OR2L13: variants seen among roughly 807,000 people sequenced by gnomAD.
OR2L13 encodes olfactory receptor family 2 subfamily L member 13, also known as olfactory receptor 2L13.
OR2L13 carries 14 observed loss-of-function variants against 15.3 expected under a neutral mutation model. The ratio of observed to expected loss-of-function variants is 0.91; its 90% CI spans 0.60 to 1.43. OR2L13 has a LOEUF of 1.43. Among genes scored for constraint, OR2L13 ranks in the 40% most tolerant of loss-of-function variants. OR2L13 has a pLI of 0.00. For synonymous variants in OR2L13, 152 were observed against 142.9 expected (o/e 1.06, Z -0.45); for missense variants, 367 against 387.9 (o/e 0.95, Z 0.45).
chr1:248,021,967 C>T, the OR2L13 span: 14 of 1,612,930 alleles, frequency 8.7e-6, no homozygotes, highest in Admixed American at 3.3e-5. Flanking sequence ...TACAATCAAA[C>T]GTCAACTGAT....
the OR2L13 span, chr1:247,965,968 A>G: frequency 6.2e-7 from 1 of 1,609,700 alleles, no homozygotes; most frequent in Admixed American, 1.7e-5. Flanking sequence ...GTATGAGTAT[A>G]CAGTCCTCCT....
the OR2L13 span, chr1:247,949,184 A>G: frequency 1.2e-6 from 2 of 1,614,086 alleles, no homozygotes; most frequent in South Asian, 1.1e-5. Flanking sequence ...TAGGAGGTGC[A>G]GAAGCACTAC....
chr1:248,015,094 C>T, the OR2L13 span, among the ~76,000 whole-genome samples: 1 of 152,206 alleles, frequency 6.6e-6, no homozygotes, highest in African/African-American at 2.4e-5. Flanking sequence ...CTTGGAAGCA[C>T]ACATACACAC....
chr1:248,096,799 A>G (rs1664750822), upstream of OR2L13, among the ~76,000 whole-genome samples: 1 of 152,232 alleles, frequency 6.6e-6, no homozygotes, highest in South Asian at 2.1e-4. Context: ...TTTTAACTCT[A>G]TAAATTTCAG....
chr1:247,948,767 G>C, the OR2L13 span: 3 of 1,028,254 alleles, frequency 2.9e-6, no homozygotes, highest in Non-Finnish European at 4.4e-6. Flanking sequence ...CCACTGGGGG[G>C]GCTTGGAATG....
the OR2L13 span, chr1:248,083,574 G>T: frequency 9.1e-7 from 1 of 1,094,538 alleles, no homozygotes; most frequent in Non-Finnish European, 1.3e-6. Flanking sequence ...TAAAGGGAGA[G>T]AATTACAATG....
the OR2L13 span, among the ~76,000 whole-genome samples, chr1:247,954,287 G>A: frequency 6.6e-6 from 1 of 152,010 alleles, no homozygotes; most frequent in Non-Finnish European, 1.5e-5. Flanking sequence ...GACTTTTAAA[G>A]GCTAAATATC....
the OR2L13 span, among the ~76,000 whole-genome samples, chr1:248,044,735 G>A: frequency 3.4e-5 from 3 of 88,724 alleles, no homozygotes; most frequent in African/African-American, 1.6e-4. Context: ...CCCGGGAAGC[G>A]GAGCTTGCAG....
chr1:248,052,302 A>G, the OR2L13 span, among the ~76,000 whole-genome samples: 63 of 152,320 alleles, frequency 4.1e-4, no homozygotes, highest in African/African-American at 1.5e-3. Flanking sequence ...GAGTGGACTT[A>G]GTTCCTTTTT....
chr1:248,048,042 T>G, the OR2L13 span, among the ~76,000 whole-genome samples: 1 of 152,148 alleles, frequency 6.6e-6, no homozygotes, highest in African/African-American at 2.4e-5. Flanking sequence ...TCCCGTGAAC[T>G]TACAGCGTGA....
At chr1:248,019,262 A>G in the OR2L13 span, among the ~76,000 whole-genome samples, 59 of 152,246 alleles carry the variant, frequency 3.9e-4, no homozygotes, top group Admixed American at 1.4e-3. Context: ...ATGCATTTAT[A>G]GGAACATATA....
At chr1:248,017,999 A>T in the OR2L13 span, among the ~76,000 whole-genome samples, 1 of 151,888 alleles carries the variant, frequency 6.6e-6, no homozygotes, top group Non-Finnish European at 1.5e-5. Context: ...TGTATATATA[A>T]AAAAAATTAG....
At chr1:248,044,834 A>C in the OR2L13 span, among the ~76,000 whole-genome samples, 8 of 83,810 alleles carry the variant, frequency 9.5e-5, no homozygotes, top group South Asian at 1.8e-3. Context: ...AAAAAAAAAA[A>C]AAAAACGCCT....
chr1:247,938,442 A>G, the OR2L13 span, among the ~76,000 whole-genome samples: 1 of 152,234 alleles, frequency 6.6e-6, no homozygotes, highest in Admixed American at 6.5e-5. Flanking sequence ...TATTATTGTA[A>G]GCAAGAGAAA....
the OR2L13 span, chr1:248,022,951 A>G: frequency 7.1e-7 from 1 of 1,416,326 alleles, no homozygotes; most frequent in South Asian, 1.4e-5. Context: ...ACAGCAGTGA[A>G]GAAAAACATT....
At chr1:248,011,578 A>G in the OR2L13 span, among the ~76,000 whole-genome samples, 1 of 152,132 alleles carries the variant, frequency 6.6e-6, no homozygotes, top group Non-Finnish European at 1.5e-5. Context: ...CATCATTTTC[A>G]GGTATACCAA....
the OR2L13 span, among the ~76,000 whole-genome samples, chr1:247,994,472 C>T: frequency 6.6e-6 from 1 of 152,182 alleles, no homozygotes; most frequent in East Asian, 1.9e-4. Context: ...GTCTTGGTTT[C>T]TCTTCTTTCT....
the OR2L13 span, among the ~76,000 whole-genome samples, chr1:247,976,152 T>C: frequency 6.6e-6 from 1 of 152,154 alleles, no homozygotes; most frequent in Non-Finnish European, 1.5e-5. Context: ...ATAAGCCAAT[T>C]TGTCTTTAGA....
At chr1:247,968,495 GC>G in the OR2L13 span, among the ~76,000 whole-genome samples, 2 of 65,442 alleles carry the variant, frequency 3.1e-5, no homozygotes, top group African/African-American at 4.8e-5. Flanking sequence ...CCTTCCCCCA[GC>G]CCCCCACCCC....
Sources: allele counts gnomAD v4.1 joint callset (sites outside exome capture counted in the v4.1 genomes callset), GRCh38; gene constraint gnomAD v4.1.1; transcripts MANE v1.5; gene names NCBI Gene and HGNC (gene_info 2026-07-23, HGNC 2026-07-21).